CFAP70: variants seen among roughly 807,000 people sequenced by gnomAD.
CFAP70 encodes cilia and flagella associated protein 70, also known as cilia- and flagella-associated protein 70.
CFAP70 carries 81 observed loss-of-function variants against 137.6 expected under a neutral mutation model. That is an observed-to-expected ratio of 0.59 (90% CI 0.49 to 0.71). The LOEUF (loss-of-function observed/expected upper bound fraction) is 0.71. Among genes scored for constraint, CFAP70 ranks in the 30% least tolerant of loss-of-function variants. The probability of loss-of-function intolerance (pLI) is 0.00; values close to 1 mark genes in which losing one functional copy is unlikely to be tolerated. For synonymous variants in CFAP70, 382 were observed against 423.6 expected (o/e 0.90, Z 1.20); for missense variants, 976 against 1,226.7 (o/e 0.80, Z 3.05).
chr10:73,322,090 A>G (rs1476645161), intron 9 of CFAP70, among the ~76,000 whole-genome samples: 1 of 152,216 alleles, frequency 6.6e-6, no homozygotes, highest in Non-Finnish European at 1.5e-5. Context: ...AGTCACACTT[A>G]AAATGCTGAA....
rs767454710 is a variant in CFAP70 at position 73,353,507 on chromosome 10, A to G, written c.250+49T>C. The G allele has an allele frequency of 4.0e-6, 6 of 1,506,064 alleles. No individual in the cohort carries two copies. The South Asian group carries it at 5.8e-5, about 15-fold the overall frequency. The allele number at this position is 1,506,064 out of a possible 1,614,324, so 93.3% of individuals were successfully genotyped here. On this transcript the variant is annotated intron_variant, in intron 3 of 26. Coordinates refer to ENST00000310715, the Ensembl canonical transcript of CFAP70. The stretch of plus-strand genomic sequence containing the variant: ...TTGTGCTTTTCCCATCCAACATGAT[A>G]GGGAAGAAGGCAATCGGGACATTGA...
chr10:73,327,222 A>G (rs1415607577), intron 8 of CFAP70, among the ~76,000 whole-genome samples: 2 of 150,972 alleles, frequency 1.3e-5, no homozygotes, highest in Non-Finnish European at 1.5e-5. Flanking sequence ...TATAAACAGA[A>G]CCAAAGACAA....
intron 8 of CFAP70, among the ~76,000 whole-genome samples, chr10:73,325,902 C>T (rs1049040135): frequency 2.6e-5 from 4 of 152,050 alleles, no homozygotes; most frequent in African/African-American, 9.7e-5. Flanking sequence ...ACTTTAACAC[C>T]CCACTGTCAA....
intron 20 of CFAP70, among the ~76,000 whole-genome samples, chr10:73,277,966 A>T (rs2046914552): frequency 6.6e-6 from 1 of 152,226 alleles, no homozygotes; most frequent in Admixed American, 6.5e-5. Context: ...AAAAACGAAG[A>T]ACTGTTAGGA....
At position 73,291,627 on chromosome 10, in the gene CFAP70, A is replaced by T; in HGVS notation, c.2020+13T>A. ...GGGGAGAAAACACATTCAGATTACA[A>T]GAAAATATCTACCAAGTAAAGTCCA... is the stretch of plus-strand genomic sequence containing the variant. On this transcript the variant is annotated intron_variant, in intron 18 of 26. Transcript: ENST00000310715. The T allele has an allele frequency of 6.2e-7, 1 of 1,605,346 alleles. No individual in the cohort carries two copies. The highest frequency in any genetic ancestry group is 1.3e-5 in the African/African-American group (1 of 74,784).
chr10:73,304,891 C>G (rs1234907583), intron 12 of CFAP70, among the ~76,000 whole-genome samples: 1 of 149,292 alleles, frequency 6.7e-6, no homozygotes, highest in Non-Finnish European at 1.5e-5. Flanking sequence ...CTGTCAGAAC[C>G]AACTTGTTAG....
chr10:73,342,870 T>C (rs1209131847), intron 5 of CFAP70, among the ~76,000 whole-genome samples: 1 of 131,024 alleles, frequency 7.6e-6, no homozygotes, highest in Non-Finnish European at 1.7e-5. Context: ...AGGTCAGGAG[T>C]TCGAGACCAT....
At position 73,329,916 on chromosome 10, in the gene CFAP70, C is replaced by T. The variant is rs189767923; in HGVS notation, c.777+1261G>A. ...ACTATCTACCATGGATGAAGGCGGA[C>T]GAATGACAGTCTCCTGTCATGTATT... is the stretch of plus-strand genomic sequence containing the variant. On this transcript the variant is annotated intron_variant, in intron 8 of 26. Transcript: ENST00000310715. 4.1e-3 allele frequency among the ~76,000 whole-genome samples: 618 copies of T among 152,024 alleles called. 10 individuals carry two copies. The highest frequency in any genetic ancestry group is 0.014 in the African/African-American group (576 of 41,458).
chr10:73,322,949 C>T lies in CFAP70; in HGVS notation c.912+14G>A, dbSNP rs1407252576. On this transcript the variant is annotated intron_variant, in intron 9 of 26. Coordinates refer to ENST00000310715, the Ensembl canonical transcript of CFAP70. ...ATAAATTACCATGATGATTTTTATG[C>T]AATTTTTTCTTACCTTTTCATGGAC... The T allele has an allele frequency of 4.5e-6, 7 of 1,571,520 alleles. No homozygotes were observed. Among genetic ancestry groups the T allele is most frequent in the Non-Finnish European group, 6.0e-6 (7 of 1,163,386 alleles).
chr10:73,279,122 C>T (rs1240231160), intron 19 of CFAP70: 1 of 152,068 alleles, frequency 6.6e-6, no homozygotes, highest in East Asian at 1.9e-4. Flanking sequence ...TTAGCATGGC[C>T]CCTGCACAAG....
chr10:73,330,012 C>G (rs1346548061), intron 8 of CFAP70, among the ~76,000 whole-genome samples: 1 of 151,936 alleles, frequency 6.6e-6, no homozygotes, highest in African/African-American at 2.4e-5. Context: ...ATTTTAACAG[C>G]GTTTTAAATG....
At chr10:73,348,030 A>T in intron 4 of CFAP70, 126 bp downstream of exon 5, 1 of 794,056 alleles carries the variant, frequency 1.3e-6, no homozygotes, top group South Asian at 1.7e-5. Flanking sequence ...CCAGAATCTA[A>T]CACTAAGTGT....
chr10:73,285,532 C>T (rs897976262), intron 19 of CFAP70, among the ~76,000 whole-genome samples: 1 of 152,118 alleles, frequency 6.6e-6, no homozygotes, highest in South Asian at 2.1e-4. Flanking sequence ...ATTTTTAAAA[C>T]ATGCTTGAAT....
At chr10:73,349,082 C>T (rs1210716749) in intron 3 of CFAP70, among the ~76,000 whole-genome samples, 1 of 149,956 alleles carries the variant, frequency 6.7e-6, no homozygotes, top group African/African-American at 2.5e-5. Context: ...AAAAAAGTAA[C>T]TGATACATAT....
At chr10:73,339,563 T>C (rs1034461722) in intron 6 of CFAP70, among the ~76,000 whole-genome samples, 15 of 152,146 alleles carry the variant, frequency 9.9e-5, no homozygotes, top group Non-Finnish European at 2.1e-4. Context: ...CTGGCCTGGA[T>C]CCCACGCCTG....
At chr10:73,272,770 T>C (rs758210491) in intron 24 of CFAP70, 158 bp downstream of exon 25, 5 of 725,060 alleles carry the variant, frequency 6.9e-6, no homozygotes, top group Non-Finnish European at 1.3e-5. Context: ...TTAAGTGACC[T>C]TCAGTTCACT....
intron 8 of CFAP70, among the ~76,000 whole-genome samples, chr10:73,324,800 G>C (rs192105519): frequency 2.4e-3 from 370 of 152,242 alleles, no homozygotes; most frequent in African/African-American, 8.4e-3. Context: ...AGAATAAAAA[G>C]AAACAAACAA....
At chr10:73,336,808 C>T (rs543921203) in intron 6 of CFAP70, among the ~76,000 whole-genome samples, 36 of 151,826 alleles carry the variant, frequency 2.4e-4, no homozygotes, top group African/African-American at 8.0e-4. Context: ...GATCTCCTGA[C>T]CTCGTGCTCA....
rs1356085825 is a variant in CFAP70 at position 73,259,710 on chromosome 10, A to G, written c.3028-3294T>C. ...GGTTATATAAGTAGCTGCTACAATA[A>G]GGAAAAAACTCTACAATCTGATTTT... is the stretch of plus-strand genomic sequence containing the variant. On this transcript the variant is annotated intron_variant, in intron 25 of 26. Coordinates refer to ENST00000310715, the Ensembl canonical transcript of CFAP70. Among the ~76,000 whole-genome samples, 3 of 152,354 alleles carry G rather than the reference A, an allele frequency of 2.0e-5. No individual in the cohort carries two copies. The East Asian group carries it at 5.8e-4, about 29-fold the overall frequency.
Sources: allele counts gnomAD v4.1 joint callset (sites outside exome capture counted in the v4.1 genomes callset), GRCh38; gene constraint gnomAD v4.1.1; transcripts MANE v1.5; gene names NCBI Gene and HGNC (gene_info 2026-07-23, HGNC 2026-07-21).